Variants in MCC observed in about 807,000 individuals in gnomAD.
The protein encoded by MCC is colorectal mutant cancer protein.
In MCC, 90 loss-of-function variants were observed where a neutral mutation model predicts 116.2. The observed-to-expected ratio is 0.77, with a 90% CI of 0.65 to 0.92. The LOEUF is 0.92. MCC is among the 40% of genes least tolerant of loss of function. MCC has a pLI of 0.00. For synonymous variants in MCC, 578 were observed against 510.5 expected, an observed-to-expected ratio of 1.13 and a Z score of -1.78; for missense variants, 1,516 against 1,312.2, an observed-to-expected ratio of 1.16 and a Z score of -2.40.
intron 1 of MCC, among the ~76,000 whole-genome samples, chr5:113,446,219 T>C (rs943465850): frequency 2.0e-5 from 3 of 152,104 alleles, no homozygotes; most frequent in African/African-American, 7.2e-5. Flanking sequence ...AAGTTCTCAA[T>C]AGCAATTACA....
intron 3 of MCC, among the ~76,000 whole-genome samples, chr5:113,287,285 G>A (rs375474695): frequency 6.6e-6 from 1 of 152,108 alleles, no homozygotes. Flanking sequence ...TTCATTTTCT[G>A]TAATTTGATT....
intron 3 of MCC, among the ~76,000 whole-genome samples, chr5:113,332,564 C>CA (rs35391036): frequency 0.048 from 4,229 of 88,166 alleles, 215 homozygotes; most frequent in African/African-American, 0.14. Flanking sequence ...AACCTGTCTC[C>CA]AAAAAAAAAA....
chr5:113,345,210 G>T (rs1222022023), intron 2 of MCC, among the ~76,000 whole-genome samples: 2 of 152,180 alleles, frequency 1.3e-5, no homozygotes, highest in Non-Finnish European at 2.9e-5. Flanking sequence ...GAAGAACTTT[G>T]TCTTGTGGTT....
At chr5:113,420,374 T>C (rs896488354) in intron 1 of MCC, among the ~76,000 whole-genome samples, 2 of 152,204 alleles carry the variant, frequency 1.3e-5, no homozygotes, top group Non-Finnish European at 2.9e-5. Flanking sequence ...ATTTCTGTTA[T>C]ATGAAGATTA....
chr5:113,347,154 T>C (rs1423435039), intron 2 of MCC, among the ~76,000 whole-genome samples: 1 of 152,108 alleles, frequency 6.6e-6, no homozygotes, highest in African/African-American at 2.4e-5. Flanking sequence ...GATATAAAAC[T>C]CACTTTCAAT....
intron 3 of MCC, among the ~76,000 whole-genome samples, chr5:113,244,855 T>C (rs540568857): frequency 1.3e-5 from 2 of 152,346 alleles, no homozygotes; most frequent in East Asian, 1.9e-4. Flanking sequence ...CCCAAATATA[T>C]ATAAAATGAA....
At chr5:113,475,739 C>G (rs953594438) in intron 1 of MCC, among the ~76,000 whole-genome samples, 3 of 152,072 alleles carry the variant, frequency 2.0e-5, no homozygotes, top group Admixed American at 6.5e-5. Context: ...CCTACTGATG[C>G]TAAGAAGGCA....
intron 9 of MCC, among the ~76,000 whole-genome samples, chr5:113,084,814 A>G (rs573666247): frequency 1.2e-4 from 18 of 152,290 alleles, no homozygotes; most frequent in African/African-American, 4.1e-4. Flanking sequence ...TCATTACTCA[A>G]GGTCCCTGAC....
At chr5:113,377,738 C>A (rs369812336) in intron 2 of MCC, among the ~76,000 whole-genome samples, 12 of 152,170 alleles carry the variant, frequency 7.9e-5, no homozygotes, top group African/African-American at 2.4e-4. Flanking sequence ...TTTGCCCAAA[C>A]TTAATCTATA....
chr5:113,144,014 G>C (rs1367772651), intron 4 of MCC, among the ~76,000 whole-genome samples: 2 of 152,174 alleles, frequency 1.3e-5, no homozygotes, highest in African/African-American at 4.8e-5. Flanking sequence ...GGAAGGCAAG[G>C]ACTAGGTTTC....
intron 3 of MCC, among the ~76,000 whole-genome samples, chr5:113,205,784 G>T (rs1164181963): frequency 2.0e-5 from 3 of 152,294 alleles, no homozygotes; most frequent in South Asian, 2.1e-4. Context: ...AAACCATGAG[G>T]GGTGGCATGG....
At chr5:113,457,166 G>A (rs1053077897) in intron 1 of MCC, among the ~76,000 whole-genome samples, 2 of 152,306 alleles carry the variant, frequency 1.3e-5, no homozygotes, top group Admixed American at 6.5e-5. Context: ...AGCGGGAACC[G>A]GGGCTGCCTG....
chr5:113,232,467 T>C (rs1763971068), intron 3 of MCC, among the ~76,000 whole-genome samples: 1 of 152,132 alleles, frequency 6.6e-6, no homozygotes. Flanking sequence ...TCTATCAGCT[T>C]TCAGGCATCT....
At chr5:113,043,427 G>GAAC (rs2150215491) in intron 17 of MCC, 103 bp downstream of exon 17, 1 of 1,060,308 alleles carries the variant, frequency 9.4e-7, no homozygotes, top group African/African-American at 1.6e-5. Context: ...GGGTAAAGTG[G>GAAC]AACACATCAG....
intron 1 of MCC, among the ~76,000 whole-genome samples, chr5:113,402,184 C>T (rs1327649597): frequency 2.6e-5 from 4 of 151,758 alleles, no homozygotes; most frequent in Non-Finnish European, 5.9e-5. Context: ...GTCCCAGCTA[C>T]TCCGGAGGCT....
intron 3 of MCC, among the ~76,000 whole-genome samples, chr5:113,319,097 G>C (rs1767357656): frequency 6.6e-6 from 1 of 152,066 alleles, no homozygotes; most frequent in Non-Finnish European, 1.5e-5. Flanking sequence ...CAAAATCCTG[G>C]GCTCAAGCAA....
intron 14 of MCC, among the ~76,000 whole-genome samples, chr5:113,062,409 C>T (rs1437139651): frequency 6.6e-6 from 1 of 152,160 alleles, no homozygotes; most frequent in East Asian, 1.9e-4. Context: ...GTCTCTGATT[C>T]AGAATAAAAC....
At chr5:113,298,393 G>C (rs896835012) in intron 3 of MCC, among the ~76,000 whole-genome samples, 12 of 152,186 alleles carry the variant, frequency 7.9e-5, no homozygotes, top group Admixed American at 7.9e-4. Context: ...GTCCTTCAAA[G>C]ATAGATTCCT....
chr5:113,393,018 G>A (rs1228978122), intron 1 of MCC, among the ~76,000 whole-genome samples: 1 of 152,022 alleles, frequency 6.6e-6, no homozygotes, highest in Non-Finnish European at 1.5e-5. Context: ...CAATATGACA[G>A]TATTAATCAA....
Sources: gnomAD v4.1 joint callset for allele counts (sites outside exome capture counted in the v4.1 genomes callset) on GRCh38, gnomAD v4.1.1 for gene constraint, MANE v1.5 for transcripts, NCBI Gene and HGNC (gene_info 2026-07-23, HGNC 2026-07-21) for gene names.